STON2: variants seen among roughly 807,000 people sequenced by gnomAD.
STON2 encodes stonin 2.
STON2 carries 29 observed loss-of-function variants against 65.7 expected under a neutral mutation model. The observed-to-expected ratio is 0.44, with a 90% CI of 0.33 to 0.60. STON2 has a LOEUF of 0.60. Ranked by LOEUF, STON2 falls within the 20% of genes least tolerant of loss-of-function variation. The pLI is 0.03. For missense variants in STON2, 1,054 were observed against 1,118.1 expected, an observed-to-expected ratio of 0.94 and a Z score of 0.82; for synonymous variants, 404 against 414.2, an observed-to-expected ratio of 0.98 and a Z score of 0.30.
chr14:81,310,750 C>G (rs1896392559), intron 5 of STON2, among the ~76,000 whole-genome samples: 1 of 152,190 alleles, frequency 6.6e-6, no homozygotes, highest in Non-Finnish European at 1.5e-5. Flanking sequence ...GACAGGAAAC[C>G]TCCTGTTTCC....
At chr14:81,310,691 TCAGGA>T (rs1896389952) in intron 5 of STON2, among the ~76,000 whole-genome samples, 4 of 152,216 alleles carry the variant, frequency 2.6e-5, no homozygotes, top group Admixed American at 2.6e-4. Context: ...ATTTTGTGTA[TCAGGA>T]TACGCTGCTG....
At chr14:81,412,349 G>T (rs1044456336) in intron 2 of STON2, among the ~76,000 whole-genome samples, 1 of 140,006 alleles carries the variant, frequency 7.1e-6, no homozygotes, top group Non-Finnish European at 1.5e-5. Context: ...GTCCGATGAT[G>T]AATGGGATGG....
chr14:81,405,466 T>C (rs566823646), intron 2 of STON2, among the ~76,000 whole-genome samples: 3 of 151,194 alleles, frequency 2.0e-5, no homozygotes, highest in Non-Finnish European at 4.4e-5. Flanking sequence ...TATTGTTTTT[T>C]TTTTTTTTTT....
chr14:81,366,136 C>CT (rs1555403475), intron 4 of STON2, among the ~76,000 whole-genome samples: 1 of 152,198 alleles, frequency 6.6e-6, no homozygotes, highest in African/African-American at 2.4e-5. Context: ...TCTGCCCCCC[C>CT]GCACCCTGTG....
chr14:81,273,561 T>C (rs889866136), intron 6 of STON2, among the ~76,000 whole-genome samples: 3 of 152,070 alleles, frequency 2.0e-5, no homozygotes, highest in African/African-American at 7.2e-5. Context: ...ACTCTTGGGA[T>C]GAAGGTAGGA....
rs778503105 is a variant in STON2, at chr14:81,414,520, T to C, written c.-199+12582A>G. 3.3e-5 allele frequency among the ~76,000 whole-genome samples: 5 copies of C among 152,062 alleles called. No homozygotes were observed. The East Asian group carries it at 7.7e-4, about 24-fold the overall frequency. On this transcript the variant is annotated intron_variant, in intron 2 of 8. Transcript: ENST00000553821. ...TGCCCTGCTCTTCAATACAAGGGCA[T>C]GCATGAGTTAGAGGTCCTGGACCAA...
chr14:81,280,783 G>A (rs1676093541), intron 5 of STON2, among the ~76,000 whole-genome samples: 2 of 152,122 alleles, frequency 1.3e-5, no homozygotes, highest in Admixed American at 1.3e-4. Context: ...GGCCGGGACG[G>A]GCAGATCACT....
In STON2 at chr14:81,262,808, A is replaced by T; in HGVS notation, c.*5606T>A. The stretch of plus-strand genomic sequence containing the variant: ...ATTCTTGTTCTAGTTAATACATGGG[A>T]GAATATTACTAATACATACATTTGT... On this transcript the variant is annotated 3_prime_UTR_variant, in exon 8 of 8. Coordinates refer to ENST00000614646, the MANE Select transcript of STON2 (RefSeq NM_001394390.1). The T allele has an allele frequency of 1.0e-6, 1 of 985,386 alleles. No individual in the cohort carries two copies. Among genetic ancestry groups the T allele is most frequent in the East Asian group, 1.1e-4 (1 of 8,818 alleles). The allele number at this position is 985,386 out of a possible 1,614,324, so 61.0% of individuals were successfully genotyped here.
At chr14:81,282,757 T>A (rs1895176620) in intron 5 of STON2, among the ~76,000 whole-genome samples, 1 of 152,160 alleles carries the variant, frequency 6.6e-6, no homozygotes, top group Non-Finnish European at 1.5e-5. Context: ...TACTACTAAT[T>A]AGCCTTAGAG....
At position 81,398,456 on chromosome 14, in the gene STON2, A is replaced by G; in HGVS notation, c.-74T>C. ...CAGAATACTGTCTGGGGTGGGCTGG[A>G]GTAGGGGTATGGTAGTACGGTAGAC... On this transcript the variant is annotated 5_prime_UTR_variant, in exon 2 of 8. Transcript: ENST00000614646. 8.2e-7 allele frequency: 1 copy of G among 1,223,250 alleles called. No homozygotes were observed. Among genetic ancestry groups the G allele is most frequent in the South Asian group, 1.2e-5 (1 of 81,344 alleles). The allele number at this position is 1,223,250 out of a possible 1,614,324, so 75.8% of individuals were successfully genotyped here.
intron 5 of STON2, among the ~76,000 whole-genome samples, chr14:81,297,363 AGG>A (rs939988146): frequency 3.3e-5 from 5 of 152,316 alleles, no homozygotes; most frequent in African/African-American, 1.2e-4. Context: ...AGCTAGTAAG[AGG>A]AAGAGCTAGG....
At chr14:81,422,781 C>T (rs186031524) in intron 2 of STON2, among the ~76,000 whole-genome samples, 126 of 152,178 alleles carry the variant, frequency 8.3e-4, no homozygotes, top group Admixed American at 2.7e-3. Flanking sequence ...CGCCTGTAAT[C>T]GCAGCACTTT....
intron 5 of STON2, among the ~76,000 whole-genome samples, chr14:81,316,422 T>C (rs1019156276): frequency 4.7e-4 from 71 of 152,314 alleles, no homozygotes; most frequent in African/African-American, 1.6e-3. Flanking sequence ...CTAGATTTCC[T>C]TTTTTCCCAT....
chr14:81,398,451 G>T lies in STON2; in HGVS notation c.-69C>A. 1.6e-6 allele frequency: 2 copies of T among 1,290,036 alleles called. No homozygotes were observed. The highest frequency in any genetic ancestry group is 2.2e-6 in the Non-Finnish European group (2 of 889,076). 79.9% of individuals were successfully genotyped at this position (1,290,036 alleles called of 1,614,324 possible). ...AACCCCAGAATACTGTCTGGGGTGG[G>T]CTGGAGTAGGGGTATGGTAGTACGG... On this transcript the variant is annotated 5_prime_UTR_variant, in exon 2 of 8. Transcript: ENST00000614646.
At chr14:81,334,328 A>C (rs1024888814) in intron 4 of STON2, among the ~76,000 whole-genome samples, 11 of 152,154 alleles carry the variant, frequency 7.2e-5, no homozygotes, top group African/African-American at 2.2e-4. Context: ...CCTTTACTTC[A>C]TTTACTTAAG....
chr14:81,353,071 T>TA (rs1898085747), intron 4 of STON2, among the ~76,000 whole-genome samples: 1 of 152,174 alleles, frequency 6.6e-6, no homozygotes, highest in Non-Finnish European at 1.5e-5. Flanking sequence ...TATGTAAACT[T>TA]AGAGAGCATT....
At chr14:81,274,088 G>C (rs1262451325) in intron 6 of STON2, among the ~76,000 whole-genome samples, 1 of 152,146 alleles carries the variant, frequency 6.6e-6, no homozygotes, top group Non-Finnish European at 1.5e-5. Context: ...CCAGCAATGA[G>C]TGAGAACTTA....
intron 2 of STON2, among the ~76,000 whole-genome samples, chr14:81,408,175 ATT>A (rs1408547520): frequency 6.6e-6 from 1 of 150,422 alleles, no homozygotes; most frequent in African/African-American, 2.5e-5. Flanking sequence ...ACACACACAC[ATT>A]AATTAATAGG....
At chr14:81,432,802 C>T (rs1214559589) in intron 1 of STON2, among the ~76,000 whole-genome samples, 1 of 152,262 alleles carries the variant, frequency 6.6e-6, no homozygotes, top group African/African-American at 2.4e-5. Context: ...ACAGAGCCTA[C>T]TGCTCATGGC....
Sources: gnomAD v4.1 joint callset for allele counts (sites outside exome capture counted in the v4.1 genomes callset) on GRCh38, gnomAD v4.1.1 for gene constraint, MANE v1.5 for transcripts, NCBI Gene and HGNC (gene_info 2026-07-23, HGNC 2026-07-21) for gene names.